Variants in TUBGCP2 observed in about 807,000 individuals in gnomAD.
The protein encoded by TUBGCP2 is tubulin gamma complex component 2, also known as gamma-tubulin complex component 2.
TUBGCP2 carries 55 observed loss-of-function variants against 92.2 expected under a neutral mutation model. The ratio of observed to expected loss-of-function variants is 0.60; its 90% CI spans 0.48 to 0.75. The LOEUF (loss-of-function observed/expected upper bound fraction) is 0.75, where lower values mean the gene tolerates loss of function less well. Among genes scored for constraint, TUBGCP2 ranks in the 30% least tolerant of loss-of-function variants. TUBGCP2 has a pLI of 0.00. For synonymous variants in TUBGCP2, 533 were observed against 505.2 expected (o/e 1.06, Z -0.74); for missense variants, 1,093 against 1,188.9 (o/e 0.92, Z 1.19).
intron 1 of TUBGCP2, among the ~76,000 whole-genome samples, chr10:133,305,617 A>C (rs970087388): frequency 6.6e-6 from 1 of 152,210 alleles, no homozygotes. Context: ...CAGAAGACTC[A>C]GCACATACTC....
intron 1 of TUBGCP2, among the ~76,000 whole-genome samples, chr10:133,307,605 C>G (rs2995334): frequency 0.2 from 30,973 of 151,192 alleles, 3,843 homozygotes; most frequent in African/African-American, 0.35. Context: ...ATTGGCCAAG[C>G]CTGGTGGCGC....
At chr10:133,311,432 C>T (rs535008657), upstream of TUBGCP2, among the ~76,000 whole-genome samples, 13 of 152,190 alleles carry the variant, frequency 8.5e-5, no homozygotes, top group African/African-American at 2.6e-4. Flanking sequence ...TAAAAAGACC[C>T]GTGGCACCGT....
In TUBGCP2 at chr10:133,297,986, A is replaced by C. The variant is rs1297633999; in HGVS notation, c.582T>G (p.Gly194=). 1 of 1,613,876 alleles carries C rather than the reference A, an allele frequency of 6.2e-7. No homozygotes were observed. Among genetic ancestry groups the C allele is most frequent in the African/African-American group, 1.3e-5 (1 of 75,054 alleles). Residue 194 remains glycine (G), a synonymous_variant, in exon 5 of 18, where the codon GGT becomes GGG. Transcript: ENST00000252936. ...RPALIGDFLI[G]AGISTDTALP... ...AAGCGGTGTCTGTGCTGATGCCAGC[A>C]CCAATCAGGAAATCCCCGATCAGGG...
rs1296101944 is a variant in TUBGCP2, at chr10:133,285,155, C to T, written c.1954G>A (p.Glu652Lys). The T allele has an allele frequency of 1.2e-6, 2 of 1,613,430 alleles. No individual in the cohort carries two copies. The highest frequency in any genetic ancestry group is 1.7e-6 in the Non-Finnish European group (2 of 1,179,940). The stretch of plus-strand genomic sequence containing the variant: ...ATCCAGACGCTGCAGAGCTGCCGCT[C>T]CACGTGCTTGCAGTAGAACATGTGC... ...FRHMFYCKHV[E>K]RQLCSVWISN... Residue 652 changes from glutamate to lysine, a missense_variant, in exon 13 of 18, where the codon GAG becomes AAG. Glu to Lys is a moderately conservative substitution (Grantham distance 56, BLOSUM62 1). Around this residue, in one of 3 missense-constraint regions of TUBGCP2, gnomAD observed 598 missense variants for 675.5 expected, o/e 0.89. Transcript: ENST00000252936. This position sits in a 1 kb window ranked among gnomAD's most constrained non-coding sequence, Gnocchi z 6.8.
rs923410824 is a variant in TUBGCP2, at chr10:133,283,977, G to A, written c.2050C>T (p.Gln684Ter). Reference sequence around the variant, plus strand: ...TTCTGGACGAAGTTGAGCATTCGCTGCCGCAGAGTGAAAGCCCCAGCAAAC... The same window carrying A: ...TTCTGGACGAAGTTGAGCATTCGCTACCGCAGAGTGAAAGCCCCAGCAAAC... ...QWFAGAFTLR[Q>*]RMLNFVQNIQ... is the part of the protein sequence containing the mutation. The change falls in exon 14 of 18, where the codon CAG becomes TAG. Residue 684 changes from glutamine to a stop codon, truncating the protein, a stop_gained. Coordinates refer to ENST00000252936, the MANE Select transcript of TUBGCP2 (RefSeq NM_006659.4). LOFTEE classifies it high-confidence loss of function. The A allele has an allele frequency of 2.5e-6, 4 of 1,613,948 alleles. No individual in the cohort carries two copies. Among genetic ancestry groups the A allele is most frequent in the Non-Finnish European group, 2.5e-6 (3 of 1,179,966 alleles).
At chr10:133,283,270 C>A in intron 14 of TUBGCP2, 49 bp from the exon 15 acceptor site, 1 of 1,611,362 alleles carries the variant, frequency 6.2e-7, no homozygotes, top group Non-Finnish European at 8.5e-7. Flanking sequence ...GGCTGACAGA[C>A]GGGCCCTGCA....
intron 14 of TUBGCP2, 141 bp downstream of exon 14, chr10:133,283,741 T>G (rs74164138): frequency 6.8e-6 from 8 of 1,172,778 alleles, no homozygotes; most frequent in Non-Finnish European, 8.3e-6. Context: ...CTGCCTCTCC[T>G]GCACTCCCTG....
chr10:133,296,482 GT>G (rs898690310), intron 5 of TUBGCP2, among the ~76,000 whole-genome samples: 115 of 143,548 alleles, frequency 8.0e-4, no homozygotes, highest in Admixed American at 7.7e-4. Flanking sequence ...AGACTGCTTT[GT>G]TTTTTTTTTT....
At chr10:133,304,935 A>G (rs933255766) in intron 1 of TUBGCP2, among the ~76,000 whole-genome samples, 6 of 152,144 alleles carry the variant, frequency 3.9e-5, no homozygotes, top group Admixed American at 6.5e-5. Context: ...GTCTGGGAAG[A>G]TGCCCCTTGC....
At chr10:133,303,697 G>A (rs778604569) in intron 1 of TUBGCP2, among the ~76,000 whole-genome samples, 8 of 152,318 alleles carry the variant, frequency 5.3e-5, no homozygotes, top group African/African-American at 1.7e-4. Context: ...CCGGCTCTGC[G>A]TTACTTTTTC....
At chr10:133,298,534 T>C (rs1315250525) in intron 4 of TUBGCP2, among the ~76,000 whole-genome samples, 1 of 152,262 alleles carries the variant, frequency 6.6e-6, no homozygotes, top group African/African-American at 2.4e-5. Context: ...GCAACAGACA[T>C]GCATCCTTAC....
chr10:133,281,688 G>A (rs1298674803), intron 16 of TUBGCP2, among the ~76,000 whole-genome samples: 1 of 152,246 alleles, frequency 6.6e-6, no homozygotes, highest in Non-Finnish European at 1.5e-5. Flanking sequence ...TGAGATGAAC[G>A]AGCTTTCCCA....
intron 4 of TUBGCP2, 88 bp from the exon 5 acceptor site, chr10:133,298,199 A>G (rs1847536076): frequency 2.1e-6 from 3 of 1,403,820 alleles, no homozygotes; most frequent in Non-Finnish European, 2.9e-6. Context: ...GCTAGCATCT[A>G]CGGCAAAGAT....
rs1453547498 is a variant in TUBGCP2, at chr10:133,293,836, C to T, written c.617-67G>A. On this transcript the variant is annotated intron_variant, in intron 5 of 17. Transcript: ENST00000252936. ...CCATGCCCCCACAGCCACGTGCCCT[C>T]ATCTGCGGGTCAGTCTCACTCTTGC... 2.1e-6 allele frequency: 3 copies of T among 1,426,962 alleles called. No individual in the cohort carries two copies. The African/African-American group carries it at 4.2e-5, about 20-fold the overall frequency. The allele number at this position is 1,426,962 out of a possible 1,614,324, so 88.4% of individuals were successfully genotyped here.
At chr10:133,279,956 G>A (rs1411504054) in intron 17 of TUBGCP2, 55 bp from the exon 18 acceptor site, 4 of 1,578,902 alleles carry the variant, frequency 2.5e-6, no homozygotes, top group East Asian at 4.6e-5. Flanking sequence ...GGTGCATGCT[G>A]GGCAGCAGGG....
chr10:133,291,751 G>A (rs376250462), intron 8 of TUBGCP2, among the ~76,000 whole-genome samples: 1 of 19,648 alleles, frequency 5.1e-5, no homozygotes, highest in Admixed American at 5.3e-4. Flanking sequence ...GTGTCCCTCC[G>A]TGTCCCCGTG....
chr10:133,288,073 TCCCAGC>T, intron 11 of TUBGCP2, 50 bp downstream of exon 11: 2 of 1,567,800 alleles, frequency 1.3e-6, no homozygotes, highest in Admixed American at 3.7e-5. Flanking sequence ...TGTGCTCTCC[TCCCAGC>T]CCCTCCGAGG....
rs138139553 is a variant in TUBGCP2, at chr10:133,292,837, T to C, written c.1025-149A>G. 1.5e-3 allele frequency: 1,693 copies of C among 1,163,206 alleles called. 12 individuals are homozygous for C. The highest frequency in any genetic ancestry group is 6.3e-3 in the Middle Eastern group (21 of 3,358). The allele number at this position is 1,163,206 out of a possible 1,614,324, so 72.1% of individuals were successfully genotyped here. On this transcript the variant is annotated intron_variant, in intron 7 of 17. Coordinates refer to ENST00000252936, the MANE Select transcript of TUBGCP2 (RefSeq NM_006659.4). The stretch of plus-strand genomic sequence containing the variant: ...ATACGTATTAACTGTAAGGTTGTAG[T>C]TGCTGATTTCAGCTGACCAGTAAGA...
Position 133,279,603 on chromosome 10 carries a change from A to G in TUBGCP2, c.*163T>C. ...ACCCTGCCTGGGCAGCTTCTATAAAACGAAACCCAGCGCCTTGAGAAACAA... is the reference window on the plus strand; with the variant it reads ...ACCCTGCCTGGGCAGCTTCTATAAAGCGAAACCCAGCGCCTTGAGAAACAA... On this transcript the variant is annotated 3_prime_UTR_variant, in exon 18 of 18. Coordinates refer to ENST00000252936, the MANE Select transcript of TUBGCP2 (RefSeq NM_006659.4). 2 of 1,164,290 alleles carry G rather than the reference A, an allele frequency of 1.7e-6. No homozygotes were observed. The allele number at this position is 1,164,290 out of a possible 1,614,324, so 72.1% of individuals were successfully genotyped here.
Sources: gnomAD v4.1 joint callset for allele counts (sites outside exome capture counted in the v4.1 genomes callset) on GRCh38, gnomAD v4.1.1 for gene constraint, gnomAD v4.1.1 regional missense constraint, Gnocchi (gnomAD v3.1) non-coding constraint, MANE v1.5 for transcripts, NCBI Gene and HGNC (gene_info 2026-07-23, HGNC 2026-07-21) for gene names.